GAS2: variants seen among roughly 807,000 people sequenced by gnomAD.
GAS2 encodes growth arrest specific 2.
GAS2 carries 20 observed loss-of-function variants against 37.5 expected under a neutral mutation model. The ratio of observed to expected loss-of-function variants is 0.53; its 90% confidence interval spans 0.37 to 0.77. GAS2 has a LOEUF of 0.77. Among genes scored for constraint, GAS2 ranks in the 30% least tolerant of loss-of-function variants. The pLI is 0.00. For missense variants in GAS2, 336 were observed against 373.4 expected (o/e 0.90, Z 0.82); for synonymous variants, 144 against 132.2 (o/e 1.09, Z -0.61).
At chr11:22,650,950 A>G (rs1052100393) in intron 1 of GAS2, among the ~76,000 whole-genome samples, 13 of 151,922 alleles carry the variant, frequency 8.6e-5, no homozygotes, top group Non-Finnish European at 1.6e-4. Context: ...TGTGAATTTG[A>G]TCCTGTCATT....
chr11:22,753,459 C>T (rs891593619), intron 6 of GAS2, among the ~76,000 whole-genome samples: 1 of 152,064 alleles, frequency 6.6e-6, no homozygotes, highest in African/African-American at 2.4e-5. Flanking sequence ...TGTCTTTTGT[C>T]TAAGAAGACT....
At chr11:22,678,973 A>G (rs564647712) in intron 2 of GAS2, among the ~76,000 whole-genome samples, 1 of 152,104 alleles carries the variant, frequency 6.6e-6, no homozygotes, top group Non-Finnish European at 1.5e-5. Context: ...GCTGAAATTT[A>G]TATATTAGAA....
intron 3 of GAS2, among the ~76,000 whole-genome samples, chr11:22,695,463 A>G (rs1269085834): frequency 3.3e-5 from 5 of 152,060 alleles, no homozygotes; most frequent in African/African-American, 1.2e-4. Context: ...TCCACCATGT[A>G]CCCTCCCTGT....
At chr11:22,674,625 G>T in intron 1 of GAS2, 1 of 311,252 alleles carries the variant, frequency 3.2e-6, no homozygotes, top group Non-Finnish European at 5.8e-6. Context: ...TTTCTTGTTT[G>T]ATTTTCTATT....
chr11:22,645,846 T>A (rs889235873), intron 1 of GAS2, among the ~76,000 whole-genome samples: 1 of 16 alleles, frequency 0.062, no homozygotes, highest in Non-Finnish European at 0.17. Context: ...TTTTCTTTTC[T>A]TTTTTTTTTT....
At chr11:22,784,788 G>A (rs1855746302) in intron 7 of GAS2, among the ~76,000 whole-genome samples, 1 of 152,080 alleles carries the variant, frequency 6.6e-6, no homozygotes, top group African/African-American at 2.4e-5. Context: ...CTATTCCTAT[G>A]TAGAGGCATT....
intron 6 of GAS2, among the ~76,000 whole-genome samples, chr11:22,754,522 T>C (rs1279055354): frequency 1.3e-5 from 2 of 151,926 alleles, no homozygotes; most frequent in Non-Finnish European, 2.9e-5. Flanking sequence ...CAAAATAGTG[T>C]TGGTTCTCTT....
At chr11:22,635,747 C>A (rs140969114) in intron 1 of GAS2, among the ~76,000 whole-genome samples, 1 of 152,228 alleles carries the variant, frequency 6.6e-6, no homozygotes, top group Admixed American at 6.5e-5. Context: ...TGACTGACTT[C>A]TGTGAGGTAG....
At chr11:22,649,994 T>G (rs1848753231) in intron 1 of GAS2, among the ~76,000 whole-genome samples, 1 of 152,110 alleles carries the variant, frequency 6.6e-6, no homozygotes, top group Non-Finnish European at 1.5e-5. Context: ...TTTCTAGTTC[T>G]TTTAATTGTG....
At chr11:22,723,893 T>A (rs183222075) in intron 3 of GAS2, among the ~76,000 whole-genome samples, 2 of 151,900 alleles carry the variant, frequency 1.3e-5, no homozygotes, top group Admixed American at 6.6e-5. Context: ...CTACTTTGAT[T>A]TTTTTTTAAA....
At chr11:22,653,228 A>G (rs1848817126) in intron 1 of GAS2, among the ~76,000 whole-genome samples, 1 of 152,010 alleles carries the variant, frequency 6.6e-6, no homozygotes. Flanking sequence ...ACATTGCAGA[A>G]TACAAATATT....
intron 7 of GAS2, among the ~76,000 whole-genome samples, chr11:22,772,656 C>T (rs914576975): frequency 3.9e-5 from 6 of 152,062 alleles, no homozygotes; most frequent in Non-Finnish European, 8.8e-5. Context: ...GTTCAGGTCT[C>T]CATTTGGAGG....
intron 7 of GAS2, among the ~76,000 whole-genome samples, chr11:22,790,817 A>T (rs962230902): frequency 6.6e-6 from 1 of 151,932 alleles, no homozygotes; most frequent in Admixed American, 6.6e-5. Flanking sequence ...AAGATATATT[A>T]TTAAATATAG....
chr11:22,646,569 C>G (rs935667067), intron 1 of GAS2, among the ~76,000 whole-genome samples: 1 of 152,152 alleles, frequency 6.6e-6, no homozygotes, highest in African/African-American at 2.4e-5. Flanking sequence ...GTTGTAAGGA[C>G]TTCTGACAGC....
intron 3 of GAS2, among the ~76,000 whole-genome samples, chr11:22,692,049 A>T (rs935091183): frequency 6.6e-6 from 1 of 152,102 alleles, no homozygotes; most frequent in African/African-American, 2.4e-5. Context: ...ATAGCAATAC[A>T]TGTTGGTAAA....
intron 1 of GAS2, among the ~76,000 whole-genome samples, chr11:22,653,512 A>C (rs1304664776): frequency 6.6e-6 from 1 of 152,208 alleles, no homozygotes. Flanking sequence ...TCACTTCCAG[A>C]TCTATATGAA....
intron 1 of GAS2, among the ~76,000 whole-genome samples, chr11:22,658,775 G>A (rs143245004): frequency 2.0e-5 from 3 of 152,200 alleles, no homozygotes; most frequent in East Asian, 1.9e-4. Context: ...ATAACCACTC[G>A]AAAGATCTCC....
chr11:22,641,346 CTT>C (rs1357626648), intron 1 of GAS2, among the ~76,000 whole-genome samples: 3 of 75,136 alleles, frequency 4.0e-5, no homozygotes, highest in Admixed American at 1.3e-4. Flanking sequence ...TTATATATGT[CTT>C]TATATATATT....
At chr11:22,691,813 T>C (rs1356635959) in intron 3 of GAS2, among the ~76,000 whole-genome samples, 2 of 152,110 alleles carry the variant, frequency 1.3e-5, no homozygotes, top group African/African-American at 4.8e-5. Context: ...AATACACTAA[T>C]TTTTTTATTT....
Sources: allele counts gnomAD v4.1 joint callset (sites outside exome capture counted in the v4.1 genomes callset), GRCh38; gene constraint gnomAD v4.1.1; transcripts MANE v1.5; gene names NCBI Gene and HGNC (gene_info 2026-07-23, HGNC 2026-07-21).